The following UBR4 variants were observed in gnomAD, a reference collection of about 807,000 sequenced individuals.
The protein encoded by UBR4 is E3 ubiquitin-protein ligase UBR4.
In UBR4, 124 loss-of-function variants were observed where a neutral mutation model predicts 575.6. The observed-to-expected ratio is 0.22, with a 90% CI of 0.19 to 0.25. The LOEUF (loss-of-function observed/expected upper bound fraction) is 0.25, where lower values mean the gene tolerates loss of function less well. UBR4 is among the 10% of genes least tolerant of loss of function. The pLI, the probability that UBR4 is intolerant of heterozygous loss-of-function variation, is 1.00. For synonymous variants in UBR4, 2,455 were observed against 2,473.7 expected (o/e 0.99, Z 0.22); for missense variants, 4,818 against 6,478.8 (o/e 0.74, Z 8.80).
rs76711791 is a variant in UBR4 at position 19,145,341 on chromosome 1, C to T, written c.7946-434G>A. Reference sequence around the variant, plus strand: ...TGAGCACCAGGATCATCCTACTTTTCTATATTGCTATTCAGACCCTTTACT... The same window carrying T: ...TGAGCACCAGGATCATCCTACTTTTTTATATTGCTATTCAGACCCTTTACT... On this transcript the variant is annotated intron_variant, in intron 53 of 105. Transcript: ENST00000375254. Among the ~76,000 whole-genome samples the T allele has an allele frequency of 9.1e-3, 1,390 of 152,300 alleles. 9 individuals carry two copies. Among genetic ancestry groups the T allele is most frequent in the Non-Finnish European group, 0.015 (1,053 of 68,016 alleles).
Position 19,160,265 on chromosome 1 carries a change from G to C in UBR4, c.5423C>G (p.Ala1808Gly). ...ELQNQANFSF[A>G]PLVLDMLNFL... ...ATTAAGCATGTCTAACACGAGAGGAGCGAAGGAGAAATTGGCCTGAGAAAA... is the reference window on the plus strand; with the variant it reads ...ATTAAGCATGTCTAACACGAGAGGACCGAAGGAGAAATTGGCCTGAGAAAA... Residue 1808 changes from alanine (A) to glycine (G), a missense_variant, in exon 39 of 106, where the codon GCT becomes GGT. By Grantham distance (60) the Ala-to-Gly change is moderately conservative. This residue lies in a region of UBR4 where 159 missense variants were observed against 174.6 expected (regional missense o/e 0.91). Transcript: ENST00000375254. 6.2e-7 allele frequency: 1 copy of C among 1,608,072 alleles called. No homozygotes were observed. The highest frequency in any genetic ancestry group is 8.5e-7 in the Non-Finnish European group (1 of 1,177,892).
At position 19,095,510 on chromosome 1, in the gene UBR4, C is replaced by T. The variant is rs749851110; in HGVS notation, c.13626+35G>A. The T allele has an allele frequency of 2.4e-5, 39 of 1,598,240 alleles. No homozygotes were observed. The South Asian group carries it at 3.3e-4, about 14-fold the overall frequency. On this transcript the variant is annotated intron_variant, in intron 93 of 105. Transcript: ENST00000375254. ...GTCTTTCACACCCAGACTTCCAAGG[C>T]CCACTCTTCTTCACCTGCAGTCCAT...
intron 17 of UBR4, among the ~76,000 whole-genome samples, chr1:19,181,357 C>T (rs1480562312): frequency 6.6e-6 from 1 of 152,084 alleles, no homozygotes; most frequent in African/African-American, 2.4e-5. Flanking sequence ...GTAACATCCC[C>T]ACCTCTAAAA....
chr1:19,077,800 C>T, intron 104 of UBR4, 176 bp downstream of exon 104: 1 of 1,535,372 alleles, frequency 6.5e-7, no homozygotes, highest in Non-Finnish European at 8.8e-7. Context: ...AGACACAAGG[C>T]TCCAGGCTGC....
chr1:19,078,213 C>T, intron 103 of UBR4, 147 bp from the exon 104 acceptor site: 1 of 743,344 alleles, frequency 1.3e-6, no homozygotes, highest in Non-Finnish European at 2.2e-6. Context: ...TGGAAAAAAG[C>T]AGCTGTGGGC....
chr1:19,153,272 C>T lies in UBR4; in HGVS notation c.6832+29G>A, dbSNP rs779182117. On this transcript the variant is annotated intron_variant, in intron 46 of 105. Transcript: ENST00000375254. This position sits in a 1 kb window ranked among gnomAD's most constrained non-coding sequence, Gnocchi z 4.1. ...TCTAGAAGACCACCATTCCTACTCC[C>T]CCACAAGTCATCTGAGAAGGAGCCT... The T allele has an allele frequency of 7.4e-6, 12 of 1,612,130 alleles. No homozygotes were observed. Among genetic ancestry groups the T allele is most frequent in the South Asian group, 2.2e-5 (2 of 90,860 alleles).
chr1:19,086,181 T>C lies in UBR4; in HGVS notation c.14777A>G (p.His4926Arg). The C allele has an allele frequency of 1.9e-6, 3 of 1,614,068 alleles. No individual in the cohort carries two copies. The highest frequency in any genetic ancestry group is 1.3e-5 in the African/African-American group (1 of 75,044). Residue 4926 changes from histidine to arginine, a missense_variant, in exon 101 of 106, where the codon CAT becomes CGT. His to Arg is a conservative substitution (Grantham distance 29). Around this residue, in one of 29 missense-constraint regions of UBR4, gnomAD observed 196 missense variants for 386.8 expected, o/e 0.51. Transcript: ENST00000375254. ...CNGLLPVWGP[H>R]VPESAFATCL... Reference sequence around the variant, plus strand: ...AGTGGCAAAAGCTGATTCAGGGACATGAGGTCCCCAGACCGGAAGGAGCCC... The same window carrying C: ...AGTGGCAAAAGCTGATTCAGGGACACGAGGTCCCCAGACCGGAAGGAGCCC...
intron 81 of UBR4, 42 bp from the exon 82 acceptor site, chr1:19,107,008 A>G: frequency 1.2e-6 from 2 of 1,606,434 alleles, no homozygotes; most frequent in Non-Finnish European, 1.7e-6. Context: ...GCTCAAGGGC[A>G]CACCTGAGCC....
intron 1 of UBR4, among the ~76,000 whole-genome samples, chr1:19,206,491 C>A (rs559408676): frequency 6.6e-6 from 1 of 152,108 alleles, no homozygotes; most frequent in Non-Finnish European, 1.5e-5. Context: ...CGCGCCACCA[C>A]GCCCAGCTAA....
chr1:19,175,120 A>C, intron 20 of UBR4, 87 bp from the exon 21 acceptor site: 1 of 1,282,126 alleles, frequency 7.8e-7, no homozygotes, highest in South Asian at 1.4e-5. Context: ...AAAATACTTT[A>C]TAATAAGGTT....
At chr1:19,094,875 C>T in intron 94 of UBR4, 31 bp downstream of exon 94, 1 of 1,610,908 alleles carries the variant, frequency 6.2e-7, no homozygotes, top group Non-Finnish European at 8.5e-7. Context: ...GCTCTCAGTG[C>T]CTGCAGATGG....
intron 12 of UBR4, 57 bp from the exon 13 acceptor site, chr1:19,187,358 C>T (rs967392514): frequency 2.5e-6 from 4 of 1,608,294 alleles, no homozygotes; most frequent in South Asian, 1.1e-5. Flanking sequence ...GAAAAAACAA[C>T]TTGAGTTGAT....
chr1:19,136,576 C>T (rs2083221573), intron 60 of UBR4, among the ~76,000 whole-genome samples: 1 of 151,982 alleles, frequency 6.6e-6, no homozygotes, highest in African/African-American at 2.4e-5. Flanking sequence ...CAAAAGAAGG[C>T]CACAAAGAAA....
At position 19,129,077 on chromosome 1, in the gene UBR4, A is replaced by G. The variant is rs368864249; in HGVS notation, c.8907-3T>C. On this transcript the variant is annotated splice_polypyrimidine_tract_variant and splice_region_variant and intron_variant, in intron 60 of 105. Coordinates refer to ENST00000375254, the MANE Select transcript of UBR4 (RefSeq NM_020765.3). The stretch of plus-strand genomic sequence containing the variant: ...GCATTAGACGGACCATGTGCAGCCT[A>G]AAAGGGTGGGGAAAAGATAGAAAAT... 1.2e-6 allele frequency: 2 copies of G among 1,613,422 alleles called. No individual in the cohort carries two copies. Among genetic ancestry groups the G allele is most frequent in the Non-Finnish European group, 1.7e-6 (2 of 1,179,500 alleles).
At chr1:19,116,396 G>A (rs2080531904) in intron 73 of UBR4, among the ~76,000 whole-genome samples, 2 of 152,230 alleles carry the variant, frequency 1.3e-5, no homozygotes, top group South Asian at 2.1e-4. Flanking sequence ...ACCCTAATGT[G>A]CAGCATCTAC....
At position 19,105,040 on chromosome 1, in the gene UBR4, T is replaced by G. The variant is rs770386909; in HGVS notation, c.12645+8A>C. 2 of 1,613,150 alleles carry G rather than the reference T, an allele frequency of 1.2e-6. No individual in the cohort carries two copies. The highest frequency in any genetic ancestry group is 1.7e-6 in the Non-Finnish European group (2 of 1,179,502). On this transcript the variant is annotated splice_region_variant and intron_variant, in intron 85 of 105. Transcript: ENST00000375254. ...GAAGGGGCTCTCTTGGGCAATAGGG[T>G]AGGATACCTTGGTGATGAGGTTGCC...
At chr1:19,109,965 T>G in intron 81 of UBR4, 131 bp downstream of exon 81, 1 of 1,355,084 alleles carries the variant, frequency 7.4e-7, no homozygotes, top group Non-Finnish European at 1.0e-6. Context: ...AGGCAAAGGC[T>G]GCACTGGAGC....
intron 55 of UBR4, among the ~76,000 whole-genome samples, chr1:19,142,508 C>A (rs995225542): frequency 6.6e-6 from 1 of 152,222 alleles, no homozygotes; most frequent in Admixed American, 6.5e-5. Context: ...CAAACTGCTG[C>A]CTAACCCAAA....
chr1:19,157,868 A>G lies in UBR4; in HGVS notation c.5707T>C (p.Ser1903Pro), dbSNP rs1188631039. The G allele has an allele frequency of 3.7e-6, 6 of 1,614,234 alleles. No homozygotes were observed. Among genetic ancestry groups the G allele is most frequent in the Non-Finnish European group, 3.4e-6 (4 of 1,180,020 alleles). ...VLRRVAMCVL[S>P]SPHGRRQHLA... Reference sequence around the variant, plus strand: ...TGTTGGCGGCGCCCATGGGGAGAGGAGAGCACACACATAGCCACCCGCCTG... The same window carrying G: ...TGTTGGCGGCGCCCATGGGGAGAGGGGAGCACACACATAGCCACCCGCCTG... The change falls in exon 40 of 106, where the codon TCC (serine) becomes CCC (proline). Residue 1903 changes from serine (S) to proline (P), a missense_variant. Transcript: ENST00000375254. The surrounding 1 kb of genome is among the most constrained non-coding windows in gnomAD (Gnocchi z 4.4).
Sources: gnomAD v4.1 joint callset for allele counts (sites outside exome capture counted in the v4.1 genomes callset) on GRCh38, gnomAD v4.1.1 for gene constraint, gnomAD v4.1.1 regional missense constraint, Gnocchi (gnomAD v3.1) non-coding constraint, MANE v1.5 for transcripts, NCBI Gene and HGNC (gene_info 2026-07-23, HGNC 2026-07-21) for gene names.